The following PPARGC1A variants were observed in gnomAD, a reference collection of about 807,000 sequenced individuals.
The protein encoded by PPARGC1A is PPARG coactivator 1 alpha, also known as peroxisome proliferator-activated receptor gamma coactivator 1-alpha.
Under a neutral mutation model 88.7 loss-of-function variants are expected in PPARGC1A, and 25 were observed. The ratio of observed to expected loss-of-function variants is 0.28; its 90% CI spans 0.21 to 0.39. PPARGC1A has a LOEUF of 0.39. Among genes scored for constraint, PPARGC1A ranks in the 10% least tolerant of loss-of-function variants. The pLI, the probability that PPARGC1A is intolerant of heterozygous loss-of-function variation, is 1.00. For missense variants in PPARGC1A, 880 were observed against 968.7 expected (o/e 0.91, Z 1.22); for synonymous variants, 363 against 355.6 (o/e 1.02, Z -0.24).
the PPARGC1A span, among the ~76,000 whole-genome samples, chr4:24,402,094 T>A: frequency 6.6e-6 from 1 of 152,174 alleles, no homozygotes; most frequent in Admixed American, 6.5e-5. Flanking sequence ...CGCTGCTGAA[T>A]AGAACTCTAT....
chr4:23,818,464 G>A (rs1175812256), intron 7 of PPARGC1A, among the ~76,000 whole-genome samples: 1 of 152,124 alleles, frequency 6.6e-6, no homozygotes, highest in Non-Finnish European at 1.5e-5. Context: ...TGTAATGGGT[G>A]TCAGACAAAT....
the PPARGC1A span, among the ~76,000 whole-genome samples, chr4:24,255,545 CAT>C: frequency 6.6e-6 from 1 of 152,178 alleles, no homozygotes; most frequent in African/African-American, 2.4e-5. Context: ...ACACATAAAA[CAT>C]AATAAATCCA....
chr4:23,940,080 A>C, the PPARGC1A span, among the ~76,000 whole-genome samples: 152,001 of 152,308 alleles, frequency 1, 75,848 homozygotes, highest in Non-Finnish European at 1. Flanking sequence ...CCTAATTTAT[A>C]CAAATTTGTA....
the PPARGC1A span, among the ~76,000 whole-genome samples, chr4:23,972,233 T>C: frequency 6.6e-6 from 1 of 152,146 alleles, no homozygotes; most frequent in African/African-American, 2.4e-5. Context: ...AAAGAGATAA[T>C]GATAAAAATG....
chr4:23,848,031 A>G (rs1261017364), intron 2 of PPARGC1A, among the ~76,000 whole-genome samples: 1 of 152,124 alleles, frequency 6.6e-6, no homozygotes, highest in African/African-American at 2.4e-5. Context: ...CTGCTTTCAA[A>G]TTGTCTTCCC....
chr4:24,374,908 A>G, the PPARGC1A span, among the ~76,000 whole-genome samples: 1 of 152,112 alleles, frequency 6.6e-6, no homozygotes, highest in Non-Finnish European at 1.5e-5. Flanking sequence ...CTCAAGAGAA[A>G]TGAAAACGTG....
chr4:23,852,555 C>T (rs1248645242), intron 2 of PPARGC1A, among the ~76,000 whole-genome samples: 1 of 152,054 alleles, frequency 6.6e-6, no homozygotes, highest in Non-Finnish European at 1.5e-5. Flanking sequence ...CTCTGATTGT[C>T]GTTTTAAAAA....
At chr4:24,298,273 C>T in the PPARGC1A span, among the ~76,000 whole-genome samples, 2 of 152,064 alleles carry the variant, frequency 1.3e-5, no homozygotes, top group Non-Finnish European at 2.9e-5. Context: ...TGTGTAGTGG[C>T]TTCAGGCTCA....
At chr4:23,885,849 T>A (rs567667051) in intron 1 of PPARGC1A, among the ~76,000 whole-genome samples, 1 of 152,350 alleles carries the variant, frequency 6.6e-6, no homozygotes, top group South Asian at 2.1e-4. Flanking sequence ...ATTGAGAGGT[T>A]TAAAATATCT....
chr4:24,138,742 T>C, the PPARGC1A span, among the ~76,000 whole-genome samples: 1 of 152,028 alleles, frequency 6.6e-6, no homozygotes, highest in African/African-American at 2.4e-5. Flanking sequence ...AATGGTCAGC[T>C]CTCCCTGTAG....
At chr4:24,212,895 G>C in the PPARGC1A span, among the ~76,000 whole-genome samples, 1 of 152,188 alleles carries the variant, frequency 6.6e-6, no homozygotes, top group Non-Finnish European at 1.5e-5. Context: ...ACATACCTAA[G>C]AGCGTGGTCA....
chr4:24,173,687 C>T, the PPARGC1A span, among the ~76,000 whole-genome samples: 1 of 152,204 alleles, frequency 6.6e-6, no homozygotes, highest in African/African-American at 2.4e-5. Context: ...GAACTGAGTT[C>T]TAGTAACATT....
the PPARGC1A span, among the ~76,000 whole-genome samples, chr4:23,950,802 G>T: frequency 1.3e-5 from 2 of 152,224 alleles, no homozygotes; most frequent in South Asian, 2.1e-4. Flanking sequence ...TTAACAAAAA[G>T]TACAACTTAC....
chr4:23,818,771 T>C (rs1722432180), intron 7 of PPARGC1A, among the ~76,000 whole-genome samples: 1 of 151,230 alleles, frequency 6.6e-6, no homozygotes, highest in African/African-American at 2.4e-5. Flanking sequence ...GTTTGTTTAA[T>C]TGAATGACTC....
chr4:24,033,862 C>T, the PPARGC1A span, among the ~76,000 whole-genome samples: 4 of 152,174 alleles, frequency 2.6e-5, no homozygotes, highest in Non-Finnish European at 4.4e-5. Context: ...GAATGTTTAA[C>T]TCCAACTCAT....
intron 1 of PPARGC1A, among the ~76,000 whole-genome samples, chr4:23,888,197 A>C (rs1717236438): frequency 1.3e-5 from 2 of 152,232 alleles, no homozygotes. Context: ...CCTATAGTGC[A>C]ACAGAGAAGT....
At chr4:24,453,988 C>A in the PPARGC1A span, among the ~76,000 whole-genome samples, 1 of 151,964 alleles carries the variant, frequency 6.6e-6, no homozygotes, top group Non-Finnish European at 1.5e-5. Context: ...TTATTAGTAA[C>A]AAGCCTAGGC....
At chr4:24,282,672 T>C in the PPARGC1A span, among the ~76,000 whole-genome samples, 1 of 152,242 alleles carries the variant, frequency 6.6e-6, no homozygotes, top group Non-Finnish European at 1.5e-5. Context: ...ATATTGCAGC[T>C]AAATCAAAAC....
chr4:24,420,108 T>G, the PPARGC1A span, among the ~76,000 whole-genome samples: 469 of 152,362 alleles, frequency 3.1e-3, 1 homozygote, highest in African/African-American at 0.011. Context: ...CAACTTTATC[T>G]GCATAGAATA....
Sources: allele counts gnomAD v4.1 joint callset (sites outside exome capture counted in the v4.1 genomes callset), GRCh38; gene constraint gnomAD v4.1.1; transcripts MANE v1.5; gene names NCBI Gene and HGNC (gene_info 2026-07-23, HGNC 2026-07-21).